The following HMBOX1 variants were observed in gnomAD, a reference collection of about 807,000 sequenced individuals.
HMBOX1 encodes the protein homeobox-containing protein 1.
Under a neutral mutation model 54.5 loss-of-function variants are expected in HMBOX1, and 14 were observed. The ratio of observed to expected loss-of-function variants is 0.26; its 90% confidence interval spans 0.17 to 0.40. HMBOX1 has a LOEUF of 0.40. HMBOX1 is among the 10% of genes least tolerant of loss of function. The probability of loss-of-function intolerance (pLI) is 1.00; values close to 1 mark genes in which losing one functional copy is unlikely to be tolerated. For synonymous variants in HMBOX1, 160 were observed against 181.0 expected, an observed-to-expected ratio of 0.88 and a Z score of 0.93; for missense variants, 332 against 514.4, an observed-to-expected ratio of 0.65 and a Z score of 3.43.
rs374206533 is a variant in HMBOX1, at chr8:29,018,634, GAA to G, written c.698-124_698-123del. On this transcript the variant is annotated intron_variant, in intron 5 of 9. Transcript: ENST00000287701. ...GGAATTTCAAAAGAAATTTTTCAGA[GAA>G]AGATACATTGATTAAGTTGTCACTA... is the stretch of plus-strand genomic sequence containing the variant. 1.2e-3 allele frequency: 1,061 copies of G among 903,170 alleles called. 5 individuals are homozygous for G. The African/African-American group carries it at 0.015, about 13-fold the overall frequency. 55.9% of individuals were successfully genotyped at this position (903,170 alleles called of 1,614,324 possible).
Position 28,970,241 on chromosome 8 carries a change from T to C in HMBOX1, c.222T>C (p.Asn74=), listed in dbSNP as rs376798312. ...GCTATGGAGGAAGTTCATATGGGAA[T>C]AGTACTAACAATGTCCCAGCATCTT... is the stretch of plus-strand genomic sequence containing the variant. The part of the protein sequence containing the change: ...RSSYGGSSYG[N]STNNVPASSS... Residue 74 remains asparagine (N), a synonymous_variant, in exon 3 of 10, where the codon AAT becomes AAC. Transcript: ENST00000287701. The surrounding 1 kb of genome is among the most constrained non-coding windows in gnomAD (Gnocchi z 4.3). 6.2e-6 allele frequency: 10 copies of C among 1,614,038 alleles called. No individual in the cohort carries two copies. The African/African-American group carries it at 8.0e-5, about 13-fold the overall frequency.
At chr8:28,897,770 G>C (rs1360841432) in intron 1 of HMBOX1, among the ~76,000 whole-genome samples, 1 of 152,208 alleles carries the variant, frequency 6.6e-6, no homozygotes, top group Non-Finnish European at 1.5e-5. Flanking sequence ...ATCTGTGTTA[G>C]ATAACCAAAA....
intron 1 of HMBOX1, among the ~76,000 whole-genome samples, chr8:28,910,064 C>T (rs1020739825): frequency 1.5e-4 from 23 of 152,242 alleles, no homozygotes; most frequent in Admixed American, 1.5e-3. Flanking sequence ...AGCCCCAACC[C>T]CAGCTCCAGA....
At chr8:28,958,958 T>C (rs534023529) in intron 1 of HMBOX1, among the ~76,000 whole-genome samples, 74 of 152,198 alleles carry the variant, frequency 4.9e-4, no homozygotes, top group Admixed American at 8.5e-4. Flanking sequence ...GCGTAAATTA[T>C]AGTGGTATAC....
intron 1 of HMBOX1, among the ~76,000 whole-genome samples, chr8:28,956,170 T>C (rs1052482075): frequency 4.6e-5 from 7 of 152,150 alleles, no homozygotes; most frequent in Admixed American, 1.3e-4. Context: ...ATTGAAGATA[T>C]GTCTGTTAAA....
At chr8:28,997,728 T>C (rs1832077555) in intron 4 of HMBOX1, among the ~76,000 whole-genome samples, 1 of 152,106 alleles carries the variant, frequency 6.6e-6, no homozygotes, top group Non-Finnish European at 1.5e-5. Context: ...TAAAATTTTA[T>C]TTTGCAGAGA....
chr8:28,921,886 A>G (rs2131799378), intron 1 of HMBOX1, among the ~76,000 whole-genome samples: 1 of 152,364 alleles, frequency 6.6e-6, no homozygotes, highest in South Asian at 2.1e-4. Flanking sequence ...TCAAGGTAGT[A>G]CATACTAAGG....
At chr8:28,915,005 A>C (rs556515756) in intron 1 of HMBOX1, among the ~76,000 whole-genome samples, 231 of 152,290 alleles carry the variant, frequency 1.5e-3, no homozygotes, top group Middle Eastern at 6.8e-3. Flanking sequence ...ACAAACTATA[A>C]AGGAAATTTA....
chr8:29,050,187 G>A lies in HMBOX1; in HGVS notation c.1126-831G>A, dbSNP rs573737719. ...GGGCAGCACATTCCATGTTTTGTTT[G>A]TTTTTTTCCTTAAGGGACTTACCCT... On this transcript the variant is annotated intron_variant, in intron 9 of 9. Transcript: ENST00000287701. The A allele has an allele frequency of 1.5e-4, 151 of 978,146 alleles. No individual in the cohort carries two copies. In the African/African-American group the frequency reaches 2.6e-3, roughly 17 times the overall value. The allele number at this position is 978,146 out of a possible 1,614,324, so 60.6% of individuals were successfully genotyped here.
chr8:29,037,727 G>C (rs1282156112), intron 6 of HMBOX1, among the ~76,000 whole-genome samples: 1 of 152,272 alleles, frequency 6.6e-6, no homozygotes, highest in Non-Finnish European at 1.5e-5. Context: ...GTCCCTGGTG[G>C]TTGGATATGT....
intron 1 of HMBOX1, among the ~76,000 whole-genome samples, chr8:28,896,811 G>C (rs1397320714): frequency 6.6e-6 from 1 of 152,108 alleles, no homozygotes; most frequent in Non-Finnish European, 1.5e-5. Flanking sequence ...CTAATGGTGC[G>C]TTTCTCAGAG....
intron 1 of HMBOX1, among the ~76,000 whole-genome samples, chr8:28,948,234 C>G (rs1343650124): frequency 6.6e-6 from 1 of 152,152 alleles, no homozygotes; most frequent in African/African-American, 2.4e-5. Flanking sequence ...TTATCATGAC[C>G]TGAAAATACA....
At chr8:28,972,759 A>T (rs772063431) in intron 3 of HMBOX1, among the ~76,000 whole-genome samples, 1 of 152,222 alleles carries the variant, frequency 6.6e-6, no homozygotes, top group Non-Finnish European at 1.5e-5. Flanking sequence ...ATAAAGGTCT[A>T]AAAACTTGAC....
intron 6 of HMBOX1, among the ~76,000 whole-genome samples, chr8:29,044,636 C>T (rs1007408216): frequency 5.9e-5 from 9 of 152,044 alleles, no homozygotes; most frequent in African/African-American, 1.9e-4. Context: ...TGCAAACTTA[C>T]GTACACATAG....
intron 1 of HMBOX1, among the ~76,000 whole-genome samples, chr8:28,923,465 C>T (rs907450106): frequency 2.6e-5 from 4 of 152,184 alleles, no homozygotes; most frequent in Non-Finnish European, 4.4e-5. Context: ...CAGGAGCTAA[C>T]GAAGTTTACA....
chr8:29,049,216 G>T, intron 9 of HMBOX1, 168 bp downstream of exon 9: 1 of 1,504,614 alleles, frequency 6.6e-7, no homozygotes, highest in Non-Finnish European at 8.9e-7. Flanking sequence ...AAAGGAATGT[G>T]GTAAGATTCA....
rs1220995434 is a variant in HMBOX1, at chr8:29,051,937, GA to G, written c.*792del. On this transcript the variant is annotated 3_prime_UTR_variant, in exon 10 of 10. Coordinates refer to ENST00000287701, the MANE Select transcript of HMBOX1 (RefSeq NM_001135726.3). ...AAAAAAACCCAGCTTGAGAGCATTGGAAAAAAAAAATATGAGCTGAATGTCT... is the reference window on the plus strand; with the variant it reads ...AAAAAAACCCAGCTTGAGAGCATTGGAAAAAAAAATATGAGCTGAATGTCT... 5.2e-4 allele frequency: 102 copies of G among 196,286 alleles called. No individual in the cohort carries two copies. The highest frequency in any genetic ancestry group is 7.3e-4 in the South Asian group (5 of 6,820). The allele number at this position is 196,286 out of a possible 1,614,324, so 12.2% of individuals were successfully genotyped here. A position where few individuals can be genotyped will look rare whatever the true frequency, so the allele number is the denominator to read the frequency against.
At chr8:29,025,580 A>T (rs1801891354) in intron 6 of HMBOX1, among the ~76,000 whole-genome samples, 1 of 152,126 alleles carries the variant, frequency 6.6e-6, no homozygotes, top group Non-Finnish European at 1.5e-5. Context: ...TTTCCATCTA[A>T]GCTTCTTCTA....
At chr8:29,050,299 C>T (rs1310467883) in intron 9 of HMBOX1, 10 of 797,322 alleles carry the variant, frequency 1.3e-5, no homozygotes, top group South Asian at 5.7e-5. Flanking sequence ...CAGTGCCTGA[C>T]GTACATCCTG....
Sources: allele counts gnomAD v4.1 joint callset (sites outside exome capture counted in the v4.1 genomes callset), GRCh38; gene constraint gnomAD v4.1.1; non-coding constraint Gnocchi (gnomAD v3.1); transcripts MANE v1.5; gene names NCBI Gene and HGNC (gene_info 2026-07-23, HGNC 2026-07-21).